RNF144A: variants seen among roughly 807,000 people sequenced by gnomAD.
The protein encoded by RNF144A is E3 ubiquitin-protein ligase RNF144A.
RNF144A carries 11 observed loss-of-function variants against 38.7 expected under a neutral mutation model. The ratio of observed to expected loss-of-function variants is 0.28; its 90% CI spans 0.18 to 0.47. The LOEUF (loss-of-function observed/expected upper bound fraction) is 0.47, where lower values mean the gene tolerates loss of function less well. RNF144A is among the 20% of genes least tolerant of loss of function. The pLI, the probability that RNF144A is intolerant of heterozygous loss-of-function variation, is 0.99. For missense variants in RNF144A, 316 were observed against 377.2 expected, an observed-to-expected ratio of 0.84 and a Z score of 1.34; for synonymous variants, 149 against 143.9, an observed-to-expected ratio of 1.04 and a Z score of -0.25.
chr2:6,992,037 G>T (rs973019763), intron 2 of RNF144A, among the ~76,000 whole-genome samples: 1 of 152,190 alleles, frequency 6.6e-6, no homozygotes, highest in African/African-American at 2.4e-5. Context: ...GAAGAAATGG[G>T]AGTTACTATG....
chr2:6,989,965 C>T (rs1005313442), intron 2 of RNF144A, among the ~76,000 whole-genome samples: 3 of 152,108 alleles, frequency 2.0e-5, no homozygotes, highest in African/African-American at 4.8e-5. Context: ...TACACCCATC[C>T]ACACGTACAC....
At chr2:7,022,182 G>A (rs1376560042) in intron 6 of RNF144A, among the ~76,000 whole-genome samples, 2 of 152,220 alleles carry the variant, frequency 1.3e-5, no homozygotes, top group African/African-American at 4.8e-5. Context: ...CTGCCTGTCA[G>A]CTGCCATTTA....
chr2:6,927,709 TGTAGA>T (rs1558355738), intron 1 of RNF144A, among the ~76,000 whole-genome samples: 1 of 152,236 alleles, frequency 6.6e-6, no homozygotes, highest in Non-Finnish European at 1.5e-5. Flanking sequence ...AAAAACAGAA[TGTAGA>T]GTACCCAGTC....
chr2:6,929,070 C>G (rs925326748), intron 1 of RNF144A, among the ~76,000 whole-genome samples: 5 of 152,010 alleles, frequency 3.3e-5, no homozygotes, highest in African/African-American at 1.2e-4. Context: ...AAATTGGAAA[C>G]AAGTATTAGC....
chr2:6,936,241 G>A (rs1405838174), intron 1 of RNF144A, among the ~76,000 whole-genome samples: 2 of 152,124 alleles, frequency 1.3e-5, no homozygotes, highest in Non-Finnish European at 2.9e-5. Flanking sequence ...AAAATAGCAC[G>A]TCCTTTCTTT....
At chr2:7,027,787 A>G (rs1672010396) in intron 7 of RNF144A, among the ~76,000 whole-genome samples, 1 of 152,256 alleles carries the variant, frequency 6.6e-6, no homozygotes, top group African/African-American at 2.4e-5. Flanking sequence ...TGGGATTGTT[A>G]TGCCTCAGGG....
At chr2:6,924,048 C>A (rs1026470152) in intron 1 of RNF144A, among the ~76,000 whole-genome samples, 1 of 152,178 alleles carries the variant, frequency 6.6e-6, no homozygotes, top group Non-Finnish European at 1.5e-5. Context: ...AAATGGAATT[C>A]GAGTGTAAAT....
intron 2 of RNF144A, among the ~76,000 whole-genome samples, chr2:6,981,939 A>G (rs780673260): frequency 6.6e-6 from 1 of 152,208 alleles, no homozygotes; most frequent in Non-Finnish European, 1.5e-5. Flanking sequence ...GAAACTTGCA[A>G]TCATGGCAGA....
chr2:7,058,773 CT>C (rs550325851), intron 6 of RNF144A, among the ~76,000 whole-genome samples: 37 of 152,238 alleles, frequency 2.4e-4, no homozygotes, highest in African/African-American at 8.4e-4. Context: ...ATATAAATCT[CT>C]TTGACTCTAT....
At chr2:6,965,112 A>G (rs1291967864) in intron 2 of RNF144A, among the ~76,000 whole-genome samples, 1 of 152,150 alleles carries the variant, frequency 6.6e-6, no homozygotes, top group Non-Finnish European at 1.5e-5. Context: ...ATTGTCCACA[A>G]ACAGGTGTAC....
intron 3 of RNF144A, among the ~76,000 whole-genome samples, chr2:7,001,264 C>T (rs1294587211): frequency 2.0e-5 from 3 of 151,904 alleles, no homozygotes; most frequent in African/African-American, 4.8e-5. Flanking sequence ...CGCGCCATTG[C>T]ACTCCAGCCT....
At position 7,058,012 on chromosome 2, in the gene RNF144A, C is replaced by A. The variant is rs115908066; in HGVS notation, c.735-10204C>A. 4.2e-3 allele frequency among the ~76,000 whole-genome samples: 635 copies of A among 152,282 alleles called. 6 individuals are homozygous for A. Among genetic ancestry groups the A allele is most frequent in the African/African-American group, 0.015 (613 of 41,564 alleles). On this transcript the variant is annotated intron_variant, in intron 6 of 6. Transcript: ENST00000432850. ...AAGTTAATGAATATAGCACTTCTGA[C>A]ATGTGCCAGGTGCTTAATGTCATTT...
intron 3 of RNF144A, among the ~76,000 whole-genome samples, chr2:7,003,920 A>T (rs1670278288): frequency 6.6e-6 from 1 of 152,244 alleles, no homozygotes. Context: ...TGGGGACCAC[A>T]AGTTATGGTA....
intron 2 of RNF144A, among the ~76,000 whole-genome samples, chr2:6,977,690 C>T (rs988933216): frequency 2.6e-5 from 4 of 152,212 alleles, no homozygotes; most frequent in Non-Finnish European, 5.9e-5. Flanking sequence ...GTCCATTAAA[C>T]TTTACTGACC....
chr2:7,042,950 C>A lies in RNF144A; in HGVS notation c.*3190C>A. On this transcript the variant is annotated 3_prime_UTR_variant, in exon 9 of 9. Coordinates refer to ENST00000320892, the MANE Select transcript of RNF144A (RefSeq NM_014746.6). ...TGACAGGATCTCGGCTCACTGCAAG[C>A]TCTGCCTCCCGGGTTCAAGCGATTC... 1.3e-6 allele frequency: 1 copy of A among 757,678 alleles called. No individual in the cohort carries two copies. The highest frequency in any genetic ancestry group is 1.6e-6 in the Non-Finnish European group (1 of 622,684). 46.9% of individuals were successfully genotyped at this position (757,678 alleles called of 1,614,324 possible).
At chr2:7,054,661 C>G (rs554970069) in intron 6 of RNF144A, among the ~76,000 whole-genome samples, 1 of 152,094 alleles carries the variant, frequency 6.6e-6, no homozygotes, top group African/African-American at 2.4e-5. Context: ...AGTAGCTAGC[C>G]CTTTTTGCCT....
In RNF144A at chr2:7,043,263, G is replaced by C; in HGVS notation, c.*3503G>C. The C allele has an allele frequency of 2.0e-6, 2 of 985,118 alleles. No homozygotes were observed. Among genetic ancestry groups the C allele is most frequent in the Non-Finnish European group, 2.4e-6 (2 of 829,620 alleles). 61.0% of individuals were successfully genotyped at this position (985,118 alleles called of 1,614,324 possible). Reference sequence around the variant, plus strand: ...AGTTCCTGATTAGAACACAGGACCTGTGGGAGGGACTATCAGAGATGCAAA... The same window carrying C: ...AGTTCCTGATTAGAACACAGGACCTCTGGGAGGGACTATCAGAGATGCAAA... On this transcript the variant is annotated 3_prime_UTR_variant, in exon 9 of 9. Coordinates refer to ENST00000320892, the MANE Select transcript of RNF144A (RefSeq NM_014746.6).
At chr2:7,036,041 CTG>C (rs1342714540) in intron 8 of RNF144A, among the ~76,000 whole-genome samples, 1 of 152,202 alleles carries the variant, frequency 6.6e-6, no homozygotes, top group Non-Finnish European at 1.5e-5. Context: ...GTGGGACTGA[CTG>C]TGCGGTTGCT....
intron 8 of RNF144A, among the ~76,000 whole-genome samples, chr2:7,031,494 C>A (rs1343420686): frequency 2.6e-5 from 4 of 152,158 alleles, no homozygotes; most frequent in Non-Finnish European, 5.9e-5. Flanking sequence ...ACAGAGCAAC[C>A]CTGGATCTTG....
Sources: allele counts gnomAD v4.1 joint callset (sites outside exome capture counted in the v4.1 genomes callset), GRCh38; gene constraint gnomAD v4.1.1; transcripts MANE v1.5; gene names NCBI Gene and HGNC (gene_info 2026-07-23, HGNC 2026-07-21).